TRIM24: variants seen among roughly 807,000 people sequenced by gnomAD.
TRIM24 encodes tripartite motif containing 24, also known as transcription intermediary factor 1-alpha.
A neutral mutation model predicts 123.9 loss-of-function variants in TRIM24; 29 were observed. The observed-to-expected ratio is 0.23, with a 90% CI of 0.17 to 0.32. TRIM24 has a LOEUF of 0.32. Ranked by LOEUF, TRIM24 falls within the 10% of genes least tolerant of loss-of-function variation. The pLI, the probability that TRIM24 is intolerant of heterozygous loss-of-function variation, is 1.00. For synonymous variants in TRIM24, 456 were observed against 461.1 expected, an observed-to-expected ratio of 0.99 and a Z score of 0.14; for missense variants, 932 against 1,295.3, an observed-to-expected ratio of 0.72 and a Z score of 4.31.
In TRIM24 at chr7:138,531,255, A is replaced by G. The variant is rs544992715; in HGVS notation, c.996+2025A>G. The stretch of plus-strand genomic sequence containing the variant: ...ACATGTTACACGTTACATGTTACAT[A>G]TGTTACATATGTTTACATGTGTTAC... On this transcript the variant is annotated intron_variant, in intron 6 of 18. Transcript: ENST00000343526. 1.1e-4 allele frequency among the ~76,000 whole-genome samples: 16 copies of G among 151,724 alleles called. No homozygotes were observed. In the South Asian group the frequency reaches 1.9e-3, roughly 18 times the overall value.
chr7:138,487,491 T>C (rs1795674246), intron 1 of TRIM24, among the ~76,000 whole-genome samples: 1 of 152,182 alleles, frequency 6.6e-6, no homozygotes, highest in African/African-American at 2.4e-5. Flanking sequence ...TTGTCATAAA[T>C]AGCTCTTATT....
intron 1 of TRIM24, among the ~76,000 whole-genome samples, chr7:138,487,086 TTC>T (rs1255950984): frequency 6.6e-6 from 1 of 152,214 alleles, no homozygotes; most frequent in Admixed American, 6.5e-5. Context: ...AGGTATTTTA[TTC>T]TCTTTGAAGC....
At chr7:138,576,910 C>T (rs183917767) in intron 13 of TRIM24, among the ~76,000 whole-genome samples, 82 of 152,238 alleles carry the variant, frequency 5.4e-4, no homozygotes, top group African/African-American at 1.9e-3. Flanking sequence ...CTAGTGAACC[C>T]AGTTCTTACT....
At chr7:138,528,542 A>G (rs1002016009) in intron 5 of TRIM24, among the ~76,000 whole-genome samples, 1 of 151,188 alleles carries the variant, frequency 6.6e-6, no homozygotes, top group Non-Finnish European at 1.5e-5. Context: ...TTAATTTCCC[A>G]CCTCAAGAGA....
At chr7:138,483,290 G>GT (rs1795571361) in intron 1 of TRIM24, among the ~76,000 whole-genome samples, 1 of 152,128 alleles carries the variant, frequency 6.6e-6, no homozygotes. Context: ...TCTAATTCTA[G>GT]TAAGTTCTCT....
intron 1 of TRIM24, chr7:138,490,654 C>T: frequency 2.9e-6 from 1 of 350,028 alleles, no homozygotes; most frequent in South Asian, 2.4e-5. Flanking sequence ...GTTGCTTTTC[C>T]AGCACTGCTA....
intron 7 of TRIM24, among the ~76,000 whole-genome samples, chr7:138,548,279 ATGTT>A (rs1393080666): frequency 6.6e-6 from 1 of 152,182 alleles, no homozygotes; most frequent in African/African-American, 2.4e-5. Flanking sequence ...ATAATGGTAA[ATGTT>A]TGTATATTTA....
intron 1 of TRIM24, among the ~76,000 whole-genome samples, chr7:138,481,423 A>G (rs571270674): frequency 6.6e-6 from 1 of 152,088 alleles, no homozygotes; most frequent in East Asian, 1.9e-4. Flanking sequence ...TATTCTCGCT[A>G]TCTTCTTCCA....
chr7:138,555,998 G>A (rs868310283), intron 9 of TRIM24, among the ~76,000 whole-genome samples: 1 of 152,164 alleles, frequency 6.6e-6, no homozygotes, highest in Non-Finnish European at 1.5e-5. Context: ...TAGTCTGGAT[G>A]AAGGTGGCAA....
In TRIM24 at chr7:138,549,504, G is replaced by T. The variant is rs1029118541; in HGVS notation, c.1144-1559G>T. On this transcript the variant is annotated intron_variant, in intron 7 of 18. Coordinates refer to ENST00000343526, the MANE Select transcript of TRIM24 (RefSeq NM_015905.3). ...AAGAGTAGCAGCTAGTGAAACAAGG[G>T]AAAACCATGGGATTATAGCGTGCTA... Among the ~76,000 whole-genome samples the T allele has an allele frequency of 4.2e-4, 64 of 152,076 alleles. 1 individual carries two copies. The highest frequency in any genetic ancestry group is 1.3e-4 in the Admixed American group (2 of 15,272).
rs192040378 is a variant in TRIM24 at position 138,579,449 on chromosome 7, C to T, written c.2502C>T (p.Asn834=). The change falls in exon 15 of 19, where the codon AAC becomes AAT. Residue 834 remains asparagine (N), a synonymous_variant. Transcript: ENST00000343526. ...PNEDWCAVCQ[N]GGELLCCEKC... ...AGGACTGGTGTGCAGTTTGTCAAAA[C>T]GGAGGGGAACTCCTCTGCTGTGAAA... 24 of 1,614,128 alleles carry T rather than the reference C, an allele frequency of 1.5e-5. No individual in the cohort carries two copies. The highest frequency in any genetic ancestry group is 1.3e-4 in the East Asian group (6 of 44,874).
chr7:138,485,528 G>A (rs772437969), intron 1 of TRIM24, among the ~76,000 whole-genome samples: 27 of 152,062 alleles, frequency 1.8e-4, no homozygotes, highest in Non-Finnish European at 2.9e-4. Context: ...GACAGTCCCT[G>A]GTGTGTGATG....
intron 6 of TRIM24, among the ~76,000 whole-genome samples, chr7:138,533,066 A>G (rs1381614432): frequency 1.3e-5 from 2 of 152,226 alleles, no homozygotes; most frequent in African/African-American, 4.8e-5. Flanking sequence ...TTGATTTTGT[A>G]TCCTGAGACT....
chr7:138,575,402 C>T (rs142271053), intron 12 of TRIM24, among the ~76,000 whole-genome samples: 546 of 151,782 alleles, frequency 3.6e-3, no homozygotes, highest in African/African-American at 0.012. Flanking sequence ...TAGTGATCCT[C>T]CTGCTTTAGC....
In TRIM24 at chr7:138,584,894, T is replaced by C. The variant is rs752544097; in HGVS notation, c.3096T>C (p.Phe1032=). 2.5e-6 allele frequency: 4 copies of C among 1,613,812 alleles called. No individual in the cohort carries two copies. Among genetic ancestry groups the C allele is most frequent in the Non-Finnish European group, 3.4e-6 (4 of 1,179,852 alleles). Residue 1032 remains phenylalanine (F), a synonymous_variant, in exon 19 of 19, where the codon TTT becomes TTC. Coordinates refer to ENST00000343526, the MANE Select transcript of TRIM24 (RefSeq NM_015905.3). ...TTAGTGATGATTCAGATGATGACTT[T>C]GTACAGCCCCGGAAGAAACGCCTCA... ...NKFSDDSDDD[F]VQPRKKRLKS...
intron 3 of TRIM24, 96 bp from the exon 4 acceptor site, chr7:138,519,093 T>C: frequency 7.0e-7 from 1 of 1,431,492 alleles, no homozygotes; most frequent in Non-Finnish European, 9.7e-7. Context: ...CTGTAGTGTT[T>C]ATATCAATAG....
intron 1 of TRIM24, among the ~76,000 whole-genome samples, chr7:138,474,687 C>T (rs1204867905): frequency 6.6e-6 from 1 of 152,142 alleles, no homozygotes; most frequent in Non-Finnish European, 1.5e-5. Context: ...TGCAGTTTTT[C>T]TAGCATTGTT....
chr7:138,584,082 G>T, intron 18 of TRIM24, 83 bp downstream of exon 18: 1 of 1,432,118 alleles, frequency 7.0e-7, no homozygotes, highest in Non-Finnish European at 9.4e-7. Context: ...CAACATAGGA[G>T]ACCAAGATGT....
rs1044989525 is a variant in TRIM24 at position 138,589,726 on chromosome 7, G to C, written c.*4775G>C. On this transcript the variant is annotated 3_prime_UTR_variant, in exon 19 of 19. Coordinates refer to ENST00000343526, the MANE Select transcript of TRIM24 (RefSeq NM_015905.3). Reference sequence around the variant, plus strand: ...GTTGTCTGGAAGTTATTTGGGGAAGGGGGGAAAGACACAGAGTGGGGACCT... The same window carrying C: ...GTTGTCTGGAAGTTATTTGGGGAAGCGGGGAAAGACACAGAGTGGGGACCT... 2 of 152,140 alleles carry C rather than the reference G, an allele frequency of 1.3e-5. No homozygotes were observed. The highest frequency in any genetic ancestry group is 2.9e-5 in the Non-Finnish European group (2 of 68,044). The allele number at this position is 152,140 out of a possible 1,614,324, so 9.4% of individuals were successfully genotyped here.
Sources: allele counts gnomAD v4.1 joint callset (sites outside exome capture counted in the v4.1 genomes callset), GRCh38; gene constraint gnomAD v4.1.1; transcripts MANE v1.5; gene names NCBI Gene and HGNC (gene_info 2026-07-23, HGNC 2026-07-21).